The following BCAR3 variants were observed in gnomAD, a reference collection of about 807,000 sequenced individuals.
BCAR3 encodes BCAR3 adaptor protein, NSP family member.
In BCAR3, 37 loss-of-function variants were observed where a neutral mutation model predicts 80.1. The observed-to-expected ratio is 0.46, with a 90% CI of 0.36 to 0.61. The LOEUF (loss-of-function observed/expected upper bound fraction) is 0.61. BCAR3 is among the 20% of genes least tolerant of loss of function. The pLI is 0.00. For synonymous variants in BCAR3, 389 were observed against 418.9 expected (o/e 0.93, Z 0.87); for missense variants, 978 against 1,068.2 (o/e 0.92, Z 1.18).
At chr1:93,845,115 C>T (rs887065032) in intron 2 of BCAR3, among the ~76,000 whole-genome samples, 1 of 152,042 alleles carries the variant, frequency 6.6e-6, no homozygotes, top group Non-Finnish European at 1.5e-5. Context: ...TCCCAATTCC[C>T]CCTTTCCAGA....
At chr1:93,591,691 G>A (rs543914489) in intron 4 of BCAR3, among the ~76,000 whole-genome samples, 6 of 152,234 alleles carry the variant, frequency 3.9e-5, no homozygotes, top group East Asian at 1.9e-4. Flanking sequence ...CCCAAATGAC[G>A]ATCACAAAGT....
In BCAR3 at chr1:93,802,343, G is replaced by T. The variant is rs1170154188; in HGVS notation, c.-63+43224C>A. ...AAAAAAAAAAGAAAATTGTTTAGTG[G>T]ATCTTTCCAGTCAGCCTTTGACACC... On this transcript the variant is annotated intron_variant, in intron 2 of 13. Transcript: ENST00000370244. Among the ~76,000 whole-genome samples, 5 of 151,956 alleles carry T rather than the reference G, an allele frequency of 3.3e-5. 1 individual carries two copies. The South Asian group carries it at 8.3e-4, about 25-fold the overall frequency.
chr1:93,746,828 A>G (rs1651374423), intron 2 of BCAR3, among the ~76,000 whole-genome samples: 1 of 152,076 alleles, frequency 6.6e-6, no homozygotes, highest in African/African-American at 2.4e-5. Flanking sequence ...ATGCTCTCCC[A>G]CAGGTGACTG....
At chr1:93,802,040 C>A (rs138772901) in intron 2 of BCAR3, among the ~76,000 whole-genome samples, 235 of 151,932 alleles carry the variant, frequency 1.5e-3, no homozygotes, top group African/African-American at 5.3e-3. Flanking sequence ...ATCACCTGAA[C>A]CTGGCTTGAA....
chr1:93,682,717 G>A (rs759785822), upstream of BCAR3, among the ~76,000 whole-genome samples: 33 of 152,164 alleles, frequency 2.2e-4, no homozygotes, highest in Admixed American at 1.0e-3. Context: ...ACTATGCCCG[G>A]CTAATTTTTG....
At chr1:93,788,627 A>G (rs907220162) in intron 2 of BCAR3, among the ~76,000 whole-genome samples, 3 of 152,190 alleles carry the variant, frequency 2.0e-5, no homozygotes, top group Admixed American at 6.5e-5. Flanking sequence ...TAAGGAGGCT[A>G]AAGATTGGAC....
chr1:93,728,111 G>A (rs1650656448), intron 2 of BCAR3, among the ~76,000 whole-genome samples: 3 of 152,248 alleles, frequency 2.0e-5, no homozygotes, highest in African/African-American at 7.2e-5. Context: ...ACTTTGATGT[G>A]AGGCTTTTGG....
At chr1:93,728,729 C>T (rs1301416915) in intron 2 of BCAR3, among the ~76,000 whole-genome samples, 1 of 152,196 alleles carries the variant, frequency 6.6e-6, no homozygotes, top group Non-Finnish European at 1.5e-5. Flanking sequence ...AGCATACTTC[C>T]CTCGACGTCC....
At chr1:93,632,428 G>A (rs933731631) in intron 3 of BCAR3, among the ~76,000 whole-genome samples, 5 of 152,142 alleles carry the variant, frequency 3.3e-5, no homozygotes, top group African/African-American at 1.2e-4. Flanking sequence ...ATTTTGAAAT[G>A]TGATCTTTTC....
chr1:93,584,568 T>TG (rs1673865194), intron 5 of BCAR3, among the ~76,000 whole-genome samples: 1 of 152,204 alleles, frequency 6.6e-6, no homozygotes, highest in Non-Finnish European at 1.5e-5. Flanking sequence ...AAGGAAGCTG[T>TG]GGGGAAACTT....
At chr1:93,576,203 A>G in intron 7 of BCAR3, 74 bp from the exon 8 acceptor site, 1 of 1,109,122 alleles carries the variant, frequency 9.0e-7, no homozygotes, top group Non-Finnish European at 1.4e-6. Flanking sequence ...GCATATGAGA[A>G]GAAACACACT....
chr1:93,722,915 G>C (rs1026313604), intron 2 of BCAR3, among the ~76,000 whole-genome samples: 2 of 151,928 alleles, frequency 1.3e-5, no homozygotes, highest in Non-Finnish European at 2.9e-5. Context: ...CCCAGAAAGA[G>C]GAAAAAAGAA....
At chr1:93,834,831 A>T (rs942836434) in intron 2 of BCAR3, among the ~76,000 whole-genome samples, 7 of 152,078 alleles carry the variant, frequency 4.6e-5, no homozygotes, top group Non-Finnish European at 8.8e-5. Context: ...CCTGGCCTGG[A>T]CTTCAATCTG....
chr1:93,789,608 G>C (rs1055626591), intron 2 of BCAR3, among the ~76,000 whole-genome samples: 4 of 152,184 alleles, frequency 2.6e-5, no homozygotes, highest in African/African-American at 9.7e-5. Flanking sequence ...GAAATTTGAA[G>C]AGAACAGGTC....
At chr1:93,624,580 T>C (rs1443452711) in intron 3 of BCAR3, among the ~76,000 whole-genome samples, 2 of 152,356 alleles carry the variant, frequency 1.3e-5, no homozygotes, top group South Asian at 2.1e-4. Flanking sequence ...CCCTTGTCTG[T>C]TGGCCTCATG....
chr1:93,647,024 C>T (rs1676164978), intron 2 of BCAR3, among the ~76,000 whole-genome samples: 2 of 152,046 alleles, frequency 1.3e-5, no homozygotes, highest in Admixed American at 1.3e-4. Flanking sequence ...TGGGTAATTT[C>T]TGATTTAAGA....
Position 93,592,247 on chromosome 1 carries a change from A to C in BCAR3, c.486+18T>G. On this transcript the variant is annotated intron_variant, in intron 4 of 11. Coordinates refer to ENST00000260502, the MANE Select transcript of BCAR3 (RefSeq NM_003567.4). This position sits in a 1 kb window ranked among gnomAD's most constrained non-coding sequence, Gnocchi z 4.8. ...TGAGAGCAGCCGTGTATGCTCTGGA[A>C]GGGACAAGACCAGGTACCTGTCGGG... is the stretch of plus-strand genomic sequence containing the variant. 1 of 1,613,272 alleles carries C rather than the reference A, an allele frequency of 6.2e-7. No individual in the cohort carries two copies. Among genetic ancestry groups the C allele is most frequent in the Non-Finnish European group, 8.5e-7 (1 of 1,179,958 alleles).
chr1:93,584,178 T>C lies in BCAR3; in HGVS notation c.930-57A>G, dbSNP rs1673847092. On this transcript the variant is annotated intron_variant, in intron 5 of 11. Coordinates refer to ENST00000260502, the MANE Select transcript of BCAR3 (RefSeq NM_003567.4). ...GTTACTAACGTGTAAAATAAAACTT[T>C]TAGGCAATGCCATGGGAACTTAAAC... 2.7e-6 allele frequency: 4 copies of C among 1,501,144 alleles called. No homozygotes were observed. In the South Asian group the frequency reaches 3.6e-5, roughly 14 times the overall value. The allele number at this position is 1,501,144 out of a possible 1,614,324, so 93.0% of individuals were successfully genotyped here.
intron 2 of BCAR3, among the ~76,000 whole-genome samples, chr1:93,742,850 CCA>C (rs1651225741): frequency 6.6e-6 from 1 of 152,034 alleles, no homozygotes; most frequent in South Asian, 2.1e-4. Flanking sequence ...AGAAATGCTA[CCA>C]CACAGAAAAG....
Sources: allele counts gnomAD v4.1 joint callset (sites outside exome capture counted in the v4.1 genomes callset), GRCh38; gene constraint gnomAD v4.1.1; non-coding constraint Gnocchi (gnomAD v3.1); transcripts MANE v1.5; gene names NCBI Gene and HGNC (gene_info 2026-07-23, HGNC 2026-07-21).